Variants in FASTKD2 observed in about 807,000 individuals in gnomAD.
The protein encoded by FASTKD2 is FAST kinase domain-containing protein 2, mitochondrial.
A neutral mutation model predicts 63.6 loss-of-function variants in FASTKD2; 51 were observed. That is an observed-to-expected ratio of 0.80 (90% CI 0.64 to 1.01). The LOEUF is 1.01. Among genes scored for constraint, FASTKD2 ranks in the 50% least tolerant of loss-of-function variants. The pLI is 0.00. For synonymous variants in FASTKD2, 284 were observed against 293.4 expected (o/e 0.97, Z 0.33); for missense variants, 786 against 831.1 (o/e 0.95, Z 0.67).
rs1250227112 is a variant in FASTKD2 at position 206,794,131 on chromosome 2, C to T, written c.*2329C>T. Among the ~76,000 whole-genome samples, 1 of 152,148 alleles carries T rather than the reference C, an allele frequency of 6.6e-6. No individual in the cohort carries two copies. Among genetic ancestry groups the T allele is most frequent in the African/African-American group, 2.4e-5 (1 of 41,406 alleles). ...GTCAGTTTTGACGTACATACACACA[C>T]ACACACATCTGTGAAACCACAATCA... is the stretch of plus-strand genomic sequence containing the variant. On this transcript the variant is annotated 3_prime_UTR_variant, in exon 12 of 12. Transcript: ENST00000402774.
At position 206,781,304 on chromosome 2, in the gene FASTKD2, AT is replaced by A. The variant is rs71034473; in HGVS notation, c.1428-5402del. Among the ~76,000 whole-genome samples, 465 of 75,896 alleles carry A rather than the reference AT, an allele frequency of 6.1e-3. 1 individual carries two copies. The highest frequency in any genetic ancestry group is 0.015 in the African/African-American group (348 of 22,714). 49.8% of individuals were successfully genotyped at this position (75,896 alleles called of 152,430 possible). A position where few individuals can be genotyped will look rare whatever the true frequency, so the allele number is the denominator to read the frequency against. On this transcript the variant is annotated intron_variant, in intron 7 of 11. Coordinates refer to ENST00000402774, the MANE Select transcript of FASTKD2 (RefSeq NM_001136193.2). ...GGGGGCCTCTTAAACTTTTTCTATG[AT>A]TTTTTTTTTTTTTTTTTTTTTTTTT...
intron 7 of FASTKD2, among the ~76,000 whole-genome samples, chr2:206,782,879 T>C (rs1407065085): frequency 6.6e-6 from 1 of 152,144 alleles, no homozygotes; most frequent in East Asian, 1.9e-4. Context: ...CACATAGTAA[T>C]TTTTAGATTT....
Position 206,792,881 on chromosome 2 carries a change from G to A in FASTKD2, c.*1079G>A, listed in dbSNP as rs1690326067. On this transcript the variant is annotated 3_prime_UTR_variant, in exon 12 of 12. Coordinates refer to ENST00000402774, the MANE Select transcript of FASTKD2 (RefSeq NM_001136193.2). ...AGGTATTTGCCCAAGGCTACACAGA[G>A]TAGGGGAGGGCTGGAGTTTGAATGT... Among the ~76,000 whole-genome samples, 2 of 152,284 alleles carry A rather than the reference G, an allele frequency of 1.3e-5. No homozygotes were observed. Among genetic ancestry groups the A allele is most frequent in the South Asian group, 4.2e-4 (2 of 4,810 alleles).
chr2:206,777,738 A>G (rs1689861154), intron 7 of FASTKD2, among the ~76,000 whole-genome samples: 1 of 152,192 alleles, frequency 6.6e-6, no homozygotes, highest in Non-Finnish European at 1.5e-5. Context: ...AATTCTTCTC[A>G]CAATGTTTGG....
Position 206,796,099 on chromosome 2 carries a change from C to T in FASTKD2, c.*4297C>T, listed in dbSNP as rs1171267972. 6.6e-6 allele frequency among the ~76,000 whole-genome samples: 1 copy of T among 152,174 alleles called. No individual in the cohort carries two copies. The highest frequency in any genetic ancestry group is 6.5e-5 in the Admixed American group (1 of 15,278). ...ACTAGGTTGCAGTGGTTTCTGTTATCAGCAAGTAAATCCTGATTGATAAAG... is the reference window on the plus strand; with the variant it reads ...ACTAGGTTGCAGTGGTTTCTGTTATTAGCAAGTAAATCCTGATTGATAAAG... On this transcript the variant is annotated 3_prime_UTR_variant, in exon 12 of 12. Coordinates refer to ENST00000402774, the MANE Select transcript of FASTKD2 (RefSeq NM_001136193.2).
intron 3 of FASTKD2, among the ~76,000 whole-genome samples, chr2:206,770,931 G>A (rs1689662346): frequency 6.6e-6 from 1 of 152,064 alleles, no homozygotes; most frequent in South Asian, 2.1e-4. Context: ...ACTATGCATA[G>A]GATATGTTAC....
chr2:206,788,495 A>C (rs1377035642), intron 9 of FASTKD2, among the ~76,000 whole-genome samples: 1 of 152,090 alleles, frequency 6.6e-6, no homozygotes, highest in African/African-American at 2.4e-5. Context: ...GCATGTGGAG[A>C]GGCCGAGGCA....
At position 206,779,630 on chromosome 2, in the gene FASTKD2, G is replaced by A. The variant is rs138434604; in HGVS notation, c.1427+5233G>A. Among the ~76,000 whole-genome samples, 7 of 152,298 alleles carry A rather than the reference G, an allele frequency of 4.6e-5. No individual in the cohort carries two copies. In the East Asian group the frequency reaches 1.4e-3, roughly 29 times the overall value. On this transcript the variant is annotated intron_variant, in intron 7 of 11. Coordinates refer to ENST00000402774, the MANE Select transcript of FASTKD2 (RefSeq NM_001136193.2). ...ACAGCATGGGGGAAACTGCCCCCAT[G>A]ATCCAATCACCTTCCAACAGGTCTC...
intron 7 of FASTKD2, among the ~76,000 whole-genome samples, chr2:206,777,096 G>A (rs1199233798): frequency 6.6e-6 from 1 of 151,930 alleles, no homozygotes; most frequent in Non-Finnish European, 1.5e-5. Flanking sequence ...TGGATAGTTT[G>A]TTATAAGTGT....
At chr2:206,773,056 T>C (rs1223150084) in intron 6 of FASTKD2, among the ~76,000 whole-genome samples, 1 of 152,190 alleles carries the variant, frequency 6.6e-6, no homozygotes, top group Non-Finnish European at 1.5e-5. Context: ...GGCTCACGCC[T>C]GTAATCCCAG....
At chr2:206,791,535 ATGCCTT>A in intron 11 of FASTKD2, 142 bp from the exon 12 acceptor site, 1 of 702,872 alleles carries the variant, frequency 1.4e-6, no homozygotes, top group Admixed American at 2.3e-5. Context: ...TAGTCTTATT[ATGCCTT>A]TAAAATATGA....
At chr2:206,787,558 T>C (rs1044572882) in intron 8 of FASTKD2, among the ~76,000 whole-genome samples, 1 of 152,142 alleles carries the variant, frequency 6.6e-6, no homozygotes, top group African/African-American at 2.4e-5. Flanking sequence ...CACGTGCTGG[T>C]TTTTCAGGCA....
At position 206,772,190 on chromosome 2, in the gene FASTKD2, A is replaced by C. The variant is rs897092467; in HGVS notation, c.1124A>C (p.His375Pro). 3 of 1,611,890 alleles carry C rather than the reference A, an allele frequency of 1.9e-6. No individual in the cohort carries two copies. The African/African-American group carries it at 4.0e-5, about 22-fold the overall frequency. The stretch of plus-strand genomic sequence containing the variant: ...TAACTCATTCTTCAAGATAATATCC[A>C]TGGGTGTCCTTTAAGAATAATGATC... ...ECSKVVLDNI[H>P]GCPLRIMINI... is the part of the protein sequence containing the mutation. Residue 375 changes from histidine (H) to proline (P), a missense_variant, in exon 6 of 12, where the codon CAT becomes CCT. By Grantham distance (77) the His-to-Pro change is moderately conservative. Coordinates refer to ENST00000402774, the MANE Select transcript of FASTKD2 (RefSeq NM_001136193.2).
intron 4 of FASTKD2, among the ~76,000 whole-genome samples, chr2:206,771,653 CAAAAAAAAAAAAA>C (rs71034472): frequency 2.2e-5 from 1 of 44,552 alleles, no homozygotes; most frequent in Non-Finnish European, 4.1e-5. Context: ...CCTGTCTCTG[CAAAAAAAAAAAAA>C]AAAAAAAAAA....
rs756658085 is a variant in FASTKD2, at chr2:206,788,017, G to A, written c.1675G>A (p.Ala559Thr). ...TGATACTGTCTATCTGAGGGACATA[G>A]CCTTGTCACTCCCACAGCTGCCGCG... ...LDDTVYLRDIALSLPQLPREL... is the reference protein window; with the variant it reads ...LDDTVYLRDITLSLPQLPREL... The change falls in exon 9 of 12, where the codon GCC (alanine) becomes ACC (threonine). Residue 559 changes from alanine to threonine, a missense_variant. By Grantham distance (58) the Ala-to-Thr change is moderately conservative. Coordinates refer to ENST00000402774, the MANE Select transcript of FASTKD2 (RefSeq NM_001136193.2). 6.2e-7 allele frequency: 1 copy of A among 1,613,508 alleles called. No homozygotes were observed. Among genetic ancestry groups the A allele is most frequent in the South Asian group, 1.1e-5 (1 of 91,062 alleles).
intron 7 of FASTKD2, among the ~76,000 whole-genome samples, chr2:206,781,403 C>T (rs1001899231): frequency 4.2e-5 from 6 of 143,450 alleles, no homozygotes; most frequent in African/African-American, 1.5e-4. Context: ...GCAACCTCTG[C>T]CTCCCAGGTT....
chr2:206,777,322 TCTTA>T (rs1245198539), intron 7 of FASTKD2, among the ~76,000 whole-genome samples: 30 of 152,248 alleles, frequency 2.0e-4, no homozygotes, highest in Middle Eastern at 3.4e-3. Flanking sequence ...TCATATATGG[TCTTA>T]CTTACGGTGA....
In FASTKD2 at chr2:206,793,191, C is replaced by T. The variant is rs911179268; in HGVS notation, c.*1389C>T. Among the ~76,000 whole-genome samples the T allele has an allele frequency of 1.5e-5, 2 of 134,400 alleles. No individual in the cohort carries two copies. The highest frequency in any genetic ancestry group is 1.6e-4 in the Admixed American group (2 of 12,408). The allele number at this position is 134,400 out of a possible 152,430, so 88.2% of individuals were successfully genotyped here. A position where few individuals can be genotyped will look rare whatever the true frequency, so the allele number is the denominator to read the frequency against. ...GAGCCAAGATGGTCCTGCTGCACTC[C>T]AGCCTGACCACAGAGCGAGACTCTG... On this transcript the variant is annotated 3_prime_UTR_variant, in exon 12 of 12. Coordinates refer to ENST00000402774, the MANE Select transcript of FASTKD2 (RefSeq NM_001136193.2).
chr2:206,772,335 A>G lies in FASTKD2; in HGVS notation c.1254+15A>G, dbSNP rs1249506780. The stretch of plus-strand genomic sequence containing the variant: ...AGTTCAGAAAAGTGAGTACATTAAC[A>G]ATTTAGAATAAGCCTCACAAACTTT... On this transcript the variant is annotated intron_variant, in intron 6 of 11. Transcript: ENST00000402774. The G allele has an allele frequency of 1.2e-6, 2 of 1,611,848 alleles. No homozygotes were observed. Among genetic ancestry groups the G allele is most frequent in the African/African-American group, 2.7e-5 (2 of 74,890 alleles).
Sources: allele counts gnomAD v4.1 joint callset (sites outside exome capture counted in the v4.1 genomes callset), GRCh38; gene constraint gnomAD v4.1.1; transcripts MANE v1.5; gene names NCBI Gene and HGNC (gene_info 2026-07-23, HGNC 2026-07-21).